SYNPR: variants seen among roughly 807,000 people sequenced by gnomAD.
SYNPR encodes synaptoporin.
Under a neutral mutation model 32.9 loss-of-function variants are expected in SYNPR, and 23 were observed. The ratio of observed to expected loss-of-function variants is 0.70; its 90% CI spans 0.50 to 0.99. The LOEUF is 0.99. Ranked by LOEUF, SYNPR falls within the 50% of genes least tolerant of loss-of-function variation. The probability of loss-of-function intolerance (pLI) is 0.00; values close to 1 mark genes in which losing one functional copy is unlikely to be tolerated. For synonymous variants in SYNPR, 146 were observed against 135.9 expected (o/e 1.07, Z -0.52); for missense variants, 318 against 349.3 (o/e 0.91, Z 0.71).
intron 2 of SYNPR, among the ~76,000 whole-genome samples, chr3:63,411,988 G>A (rs1222836121): frequency 6.6e-6 from 1 of 152,124 alleles, no homozygotes; most frequent in Non-Finnish European, 1.5e-5. Flanking sequence ...GGAGACAATT[G>A]TGATAGTGCA....
chr3:63,552,510 T>G (rs1038570184), intron 3 of SYNPR, among the ~76,000 whole-genome samples: 1 of 152,100 alleles, frequency 6.6e-6, no homozygotes, highest in Admixed American at 6.5e-5. Flanking sequence ...TGTGGGAAAG[T>G]GCAATATATA....
chr3:63,205,729 T>A, the SYNPR span, among the ~76,000 whole-genome samples: 1 of 152,258 alleles, frequency 6.6e-6, no homozygotes, highest in Non-Finnish European at 1.5e-5. Context: ...ACTGGCTTCA[T>A]ATTTTCATAA....
intron 2 of SYNPR, chr3:63,443,539 G>T: frequency 6.6e-7 from 1 of 1,513,616 alleles, no homozygotes; most frequent in Admixed American, 1.9e-5. Flanking sequence ...TGTCTCCATA[G>T]GCACATTTGG....
chr3:63,526,924 C>T (rs1702023535), intron 3 of SYNPR, among the ~76,000 whole-genome samples: 1 of 152,150 alleles, frequency 6.6e-6, no homozygotes, highest in Non-Finnish European at 1.5e-5. Flanking sequence ...CCAATCCCAT[C>T]TTCAAAGCAT....
At chr3:63,320,612 C>T (rs2087101578) in intron 2 of SYNPR, among the ~76,000 whole-genome samples, 1 of 152,006 alleles carries the variant, frequency 6.6e-6, no homozygotes, top group Non-Finnish European at 1.5e-5. Flanking sequence ...AATTACCTGA[C>T]ATATAGCAAT....
chr3:63,352,456 A>G (rs1440022326), intron 2 of SYNPR, among the ~76,000 whole-genome samples: 1 of 152,136 alleles, frequency 6.6e-6, no homozygotes, highest in African/African-American at 2.4e-5. Context: ...TCTTGGGAAA[A>G]CACTTATTTA....
chr3:63,505,867 C>T (rs1019070695), intron 3 of SYNPR, among the ~76,000 whole-genome samples: 5 of 152,034 alleles, frequency 3.3e-5, no homozygotes, highest in Non-Finnish European at 7.4e-5. Flanking sequence ...CAATCAATGA[C>T]ATTAATGCCT....
chr3:63,365,597 A>T (rs1489373764), intron 2 of SYNPR, among the ~76,000 whole-genome samples: 1 of 152,358 alleles, frequency 6.6e-6, no homozygotes, highest in East Asian at 1.9e-4. Flanking sequence ...TCACAAGGAT[A>T]TAGTTCTTTG....
rs181341287 is a variant in SYNPR, at chr3:63,477,752, A to G, written c.85-3080A>G. Among the ~76,000 whole-genome samples the G allele has an allele frequency of 1.1e-3, 166 of 152,210 alleles. 1 individual carries two copies. Among genetic ancestry groups the G allele is most frequent in the African/African-American group, 3.5e-3 (144 of 41,534 alleles). ...CCCACTGTCCATCTGCTAGATATTCATTCTCCCTTACAGGGATCAGTAGCT... is the reference window on the plus strand; with the variant it reads ...CCCACTGTCCATCTGCTAGATATTCGTTCTCCCTTACAGGGATCAGTAGCT... On this transcript the variant is annotated intron_variant, in intron 2 of 5. Transcript: ENST00000478300.
At chr3:63,257,458 C>T (rs989887064) in intron 2 of SYNPR, among the ~76,000 whole-genome samples, 3 of 152,044 alleles carry the variant, frequency 2.0e-5, no homozygotes, top group African/African-American at 7.3e-5. Context: ...ATTTCATATC[C>T]AGCCAAACTA....
intron 2 of SYNPR, among the ~76,000 whole-genome samples, chr3:63,398,187 GA>G (rs1357909590): frequency 2.0e-5 from 3 of 152,194 alleles, no homozygotes; most frequent in Admixed American, 6.5e-5. Context: ...CCTAAATTAA[GA>G]AGGGGTTTCC....
chr3:63,425,336 T>C (rs1699873371), intron 2 of SYNPR, among the ~76,000 whole-genome samples: 1 of 152,168 alleles, frequency 6.6e-6, no homozygotes, highest in South Asian at 2.1e-4. Flanking sequence ...TTTTTGTGTT[T>C]TTCAGACAAT....
At chr3:63,221,391 C>T in the SYNPR span, among the ~76,000 whole-genome samples, 2 of 151,942 alleles carry the variant, frequency 1.3e-5, no homozygotes, top group Non-Finnish European at 2.9e-5. Context: ...CATTATACAT[C>T]AATAATTGTT....
chr3:63,246,033 T>A (rs2086286580), intron 1 of SYNPR, among the ~76,000 whole-genome samples: 1 of 151,946 alleles, frequency 6.6e-6, no homozygotes, highest in African/African-American at 2.4e-5. Context: ...AAAAAAGTGC[T>A]TTTTCTACAT....
intron 2 of SYNPR, among the ~76,000 whole-genome samples, chr3:63,322,445 C>T (rs146496748): frequency 1.5e-3 from 232 of 152,170 alleles, no homozygotes; most frequent in Middle Eastern, 0.01. Context: ...CCTGAAGTCA[C>T]ATAGTTTAGT....
intron 2 of SYNPR, among the ~76,000 whole-genome samples, chr3:63,309,070 T>C (rs1380107113): frequency 6.6e-6 from 1 of 151,976 alleles, no homozygotes; most frequent in African/African-American, 2.4e-5. Flanking sequence ...TTTTGGATAG[T>C]TTCCTTTGCT....
chr3:63,304,341 AGTGTGTGTGTGTTTGTGTGTGT>A (rs559315532), intron 2 of SYNPR, among the ~76,000 whole-genome samples: 11 of 142,476 alleles, frequency 7.7e-5, no homozygotes, highest in Non-Finnish European at 1.2e-4. Context: ...AGAAAAAGAA[AGTGTGTGTGTGTTTGTGTGTGT>A]GTGTGTGTGT....
chr3:63,523,025 G>T (rs957247087), intron 3 of SYNPR, among the ~76,000 whole-genome samples: 2 of 152,182 alleles, frequency 1.3e-5, no homozygotes, highest in South Asian at 4.2e-4. Context: ...GAATAGTTTT[G>T]GTTTGGAGTC....
At chr3:63,339,026 G>A (rs2087330694) in intron 2 of SYNPR, among the ~76,000 whole-genome samples, 1 of 152,198 alleles carries the variant, frequency 6.6e-6, no homozygotes, top group African/African-American at 2.4e-5. Context: ...TTTGCCTGCT[G>A]CGTTTGCTTG....
Sources: gnomAD v4.1 joint callset for allele counts (sites outside exome capture counted in the v4.1 genomes callset) on GRCh38, gnomAD v4.1.1 for gene constraint, MANE v1.5 for transcripts, NCBI Gene and HGNC (gene_info 2026-07-23, HGNC 2026-07-21) for gene names.